The following SLC35F4 variants were observed in gnomAD, a reference collection of about 807,000 sequenced individuals.
SLC35F4 encodes chromosome 14 open reading frame 36.
A neutral mutation model predicts 44.2 loss-of-function variants in SLC35F4; 24 were observed. The observed-to-expected ratio is 0.54, with a 90% CI of 0.39 to 0.76. SLC35F4 has a LOEUF of 0.76. Ranked by LOEUF, SLC35F4 falls within the 30% of genes least tolerant of loss-of-function variation. The pLI is 0.00. For missense variants in SLC35F4, 562 were observed against 586.1 expected (o/e 0.96, Z 0.42); for synonymous variants, 238 against 223.6 (o/e 1.06, Z -0.57).
intron 1 of SLC35F4, among the ~76,000 whole-genome samples, chr14:57,970,609 T>G (rs959528501): frequency 2.4e-4 from 37 of 152,154 alleles, no homozygotes; most frequent in Admixed American, 2.1e-3. Flanking sequence ...GATACTGGAG[T>G]GATCCATCCA....
intron 1 of SLC35F4, among the ~76,000 whole-genome samples, chr14:57,657,436 C>A (rs2140224332): frequency 6.6e-6 from 1 of 152,244 alleles, no homozygotes; most frequent in East Asian, 1.9e-4. Flanking sequence ...TATGTCAGCC[C>A]AGCACATGGC....
chr14:57,952,633 T>C (rs982813927), intron 1 of SLC35F4, among the ~76,000 whole-genome samples: 2 of 151,480 alleles, frequency 1.3e-5, no homozygotes, highest in African/African-American at 4.9e-5. Flanking sequence ...AAAAACTTCA[T>C]GAAGTACACA....
intron 1 of SLC35F4, among the ~76,000 whole-genome samples, chr14:57,920,401 C>T (rs1323213909): frequency 2.6e-5 from 4 of 152,140 alleles, no homozygotes; most frequent in East Asian, 3.9e-4. Flanking sequence ...ATGGTAAGAC[C>T]TCATGTCTAC....
At chr14:57,643,984 G>A (rs1378249833) in intron 1 of SLC35F4, among the ~76,000 whole-genome samples, 6 of 152,036 alleles carry the variant, frequency 3.9e-5, no homozygotes, top group South Asian at 4.2e-4. Context: ...TCCATGGTGT[G>A]TATGTGCCAC....
chr14:57,967,812 G>A (rs1238077787), intron 1 of SLC35F4, among the ~76,000 whole-genome samples: 1 of 152,086 alleles, frequency 6.6e-6, no homozygotes, highest in Non-Finnish European at 1.5e-5. Flanking sequence ...TCAATAGCAG[G>A]AGCCCTCATA....
chr14:57,647,359 C>A (rs560800920), intron 1 of SLC35F4, among the ~76,000 whole-genome samples: 1 of 151,954 alleles, frequency 6.6e-6, no homozygotes, highest in African/African-American at 2.4e-5. Flanking sequence ...GTTGAATTGA[C>A]CCCTTTACCA....
At chr14:57,765,689 C>T (rs954638052) in intron 1 of SLC35F4, among the ~76,000 whole-genome samples, 7 of 152,046 alleles carry the variant, frequency 4.6e-5, no homozygotes, top group African/African-American at 9.7e-5. Flanking sequence ...GCACAATAGC[C>T]GAGATATCAT....
intron 1 of SLC35F4, among the ~76,000 whole-genome samples, chr14:57,865,012 G>A (rs533749139): frequency 1.0e-3 from 152 of 152,016 alleles, no homozygotes; most frequent in African/African-American, 3.5e-3. Flanking sequence ...AGCGGTGACC[G>A]CGACGTGCGG....
At chr14:57,569,640 C>A in intron 6 of SLC35F4, 148 bp downstream of exon 6, 1 of 891,338 alleles carries the variant, frequency 1.1e-6, no homozygotes, top group Non-Finnish European at 1.6e-6. Flanking sequence ...TTGCAAAGAA[C>A]CTTCTAAACA....
intron 1 of SLC35F4, among the ~76,000 whole-genome samples, chr14:57,839,517 T>C (rs1261789318): frequency 6.6e-6 from 1 of 152,022 alleles, no homozygotes; most frequent in Non-Finnish European, 1.5e-5. Flanking sequence ...CGTTTGTAAG[T>C]AGGAGCTGTA....
chr14:57,565,816 T>C (rs1432308489), intron 7 of SLC35F4, among the ~76,000 whole-genome samples: 1 of 152,200 alleles, frequency 6.6e-6, no homozygotes, highest in Non-Finnish European at 1.5e-5. Context: ...ATGATAAATA[T>C]TCAATAAACA....
downstream of SLC35F4, among the ~76,000 whole-genome samples, chr14:57,974,682 T>C (rs1881160830): frequency 6.6e-6 from 1 of 152,142 alleles, no homozygotes; most frequent in Admixed American, 6.5e-5. Flanking sequence ...CCACCAATCC[T>C]GCTCATTTCA....
At position 57,566,503 on chromosome 14, in the gene SLC35F4, C is replaced by G. The variant is rs1328475564; in HGVS notation, c.1188G>C (p.Gly396=). 1.9e-6 allele frequency: 3 copies of G among 1,599,804 alleles called. No homozygotes were observed. In the African/African-American group the frequency reaches 4.0e-5, roughly 21 times the overall value. Residue 396 remains glycine (G), a synonymous_variant, in exon 7 of 8, where the codon GGG becomes GGC. Coordinates refer to ENST00000556826, the MANE Select transcript of SLC35F4 (RefSeq NM_001306087.2). ...VLTYPILISI[G]TVLSVPGNAA... ...CATTTCCAGGAACGCTGAGCACTGT[C>G]CCAATGGAGATTAGGATTGGGTATG... is the stretch of plus-strand genomic sequence containing the variant.
At chr14:57,597,395 G>C (rs1274778290) in intron 1 of SLC35F4, among the ~76,000 whole-genome samples, 1 of 152,182 alleles carries the variant, frequency 6.6e-6, no homozygotes, top group African/African-American at 2.4e-5. Flanking sequence ...ATCTGCACTG[G>C]TTGGGATCTG....
At chr14:57,944,458 C>T (rs912563366) in intron 1 of SLC35F4, among the ~76,000 whole-genome samples, 3 of 152,076 alleles carry the variant, frequency 2.0e-5, no homozygotes, top group Non-Finnish European at 4.4e-5. Context: ...CGCTTTCCCA[C>T]CCTCACTGTT....
chr14:57,584,574 T>C (rs74687675), intron 3 of SLC35F4, among the ~76,000 whole-genome samples: 86 of 152,280 alleles, frequency 5.6e-4, no homozygotes, highest in Non-Finnish European at 8.7e-4. Flanking sequence ...TCAGAGATAG[T>C]ATTTTCTGCT....
chr14:57,838,001 C>T (rs1276094082), intron 1 of SLC35F4, among the ~76,000 whole-genome samples: 1 of 152,152 alleles, frequency 6.6e-6, no homozygotes, highest in Non-Finnish European at 1.5e-5. Flanking sequence ...GAGTCCCGTG[C>T]TTTTACACTG....
At chr14:57,958,244 G>C (rs1392952430) in intron 1 of SLC35F4, among the ~76,000 whole-genome samples, 2 of 152,052 alleles carry the variant, frequency 1.3e-5, no homozygotes, top group Non-Finnish European at 2.9e-5. Context: ...ATTTTTAGTA[G>C]AGACGGGGTT....
chr14:57,879,534 G>A (rs8012998), intron 1 of SLC35F4, among the ~76,000 whole-genome samples: 1 of 151,836 alleles, frequency 6.6e-6, no homozygotes, highest in African/African-American at 2.4e-5. Context: ...CCAAGCTGAC[G>A]AGCTACTCCT....
Sources: allele counts gnomAD v4.1 joint callset (sites outside exome capture counted in the v4.1 genomes callset), GRCh38; gene constraint gnomAD v4.1.1; transcripts MANE v1.5; gene names NCBI Gene and HGNC (gene_info 2026-07-23, HGNC 2026-07-21).